Variants in PTK2B observed in about 807,000 individuals in gnomAD.
PTK2B encodes protein-tyrosine kinase 2-beta.
In PTK2B, 71 loss-of-function variants were observed where a neutral mutation model predicts 142.9. The observed-to-expected ratio is 0.50, with a 90% CI of 0.41 to 0.61. PTK2B has a LOEUF of 0.61. Among genes scored for constraint, PTK2B ranks in the 20% least tolerant of loss-of-function variants. The pLI, the probability that PTK2B is intolerant of heterozygous loss-of-function variation, is 0.00. For synonymous variants in PTK2B, 519 were observed against 503.4 expected, an observed-to-expected ratio of 1.03 and a Z score of -0.42; for missense variants, 1,105 against 1,320.4, an observed-to-expected ratio of 0.84 and a Z score of 2.53.
intron 11 of PTK2B, 130 bp downstream of exon 11, chr8:27,433,682 G>A: frequency 1.2e-6 from 1 of 833,728 alleles, no homozygotes; most frequent in Non-Finnish European, 1.9e-6. Context: ...CAGCCCAGCG[G>A]GAAGCTTCCA....
At chr8:27,351,495 T>G (rs1177478221) in intron 1 of PTK2B, among the ~76,000 whole-genome samples, 1 of 152,086 alleles carries the variant, frequency 6.6e-6, no homozygotes, top group Non-Finnish European at 1.5e-5. Flanking sequence ...GACAAAGAAT[T>G]TGTCTAGACC....
In PTK2B at chr8:27,440,375, T is replaced by C. The variant is rs138935546; in HGVS notation, c.1973T>C (p.Met658Thr). 1 of 1,614,194 alleles carries C rather than the reference T, an allele frequency of 6.2e-7. No individual in the cohort carries two copies. ...TGTCCACCGGTCCTTTATACCCTCA[T>C]GACCCGCTGCTGGGACTACGACCCC... The part of the protein sequence containing the change: ...DLCPPVLYTL[M>T]TRCWDYDPSD... Residue 658 changes from methionine to threonine, a missense_variant, in exon 21 of 31, where the codon ATG (methionine) becomes ACG (threonine). By Grantham distance (81) the Met-to-Thr change is moderately conservative (BLOSUM62 -1). Coordinates refer to ENST00000346049, the MANE Select transcript of PTK2B (RefSeq NM_173176.3).
intron 3 of PTK2B, 121 bp downstream of exon 3, chr8:27,420,194 C>T (rs770707639): frequency 1.4e-5 from 16 of 1,180,816 alleles, no homozygotes; most frequent in Non-Finnish European, 1.8e-5. Flanking sequence ...ACCTGAGTGG[C>T]ATTCTAGGCT....
chr8:27,458,159 C>A, intron 30 of PTK2B, 135 bp from the exon 31 acceptor site: 1 of 838,638 alleles, frequency 1.2e-6, no homozygotes, highest in Non-Finnish European at 1.9e-6. Context: ...ATTCAGCCCT[C>A]TCCTAGGTCT....
At chr8:27,423,797 C>T (rs1458701870) in intron 5 of PTK2B, among the ~76,000 whole-genome samples, 1 of 152,138 alleles carries the variant, frequency 6.6e-6, no homozygotes, top group Non-Finnish European at 1.5e-5. Flanking sequence ...TTGATTTCAG[C>T]ATCTGAGGCT....
At position 27,431,415 on chromosome 8, in the gene PTK2B, T is replaced by C. The variant is rs1484291543; in HGVS notation, c.828T>C (p.Thr276=). 1.2e-6 allele frequency: 2 copies of C among 1,614,218 alleles called. No individual in the cohort carries two copies. The highest frequency in any genetic ancestry group is 8.5e-7 in the Non-Finnish European group (1 of 1,180,026). ...TATTCCAGCAAGGATGGAACATTAC[T>C]GTGGACCTGGTCATTGGCCCTAAAG... ...RCELIQGWNI[T]VDLVIGPKGI... Residue 276 remains threonine, a synonymous_variant, in exon 9 of 31, where the codon ACT becomes ACC. Transcript: ENST00000346049.
At chr8:27,419,825 G>A in intron 2 of PTK2B, 70 bp from the exon 3 acceptor site, 1 of 1,531,758 alleles carries the variant, frequency 6.5e-7, no homozygotes, top group Non-Finnish European at 8.9e-7. Flanking sequence ...CACTTTTCAG[G>A]TCTGTGTGAG....
At chr8:27,375,717 G>A (rs1245428306) in intron 1 of PTK2B, among the ~76,000 whole-genome samples, 4 of 152,112 alleles carry the variant, frequency 2.6e-5, no homozygotes, top group Admixed American at 6.5e-5. Flanking sequence ...GCCTCTCCCC[G>A]AGTGGGCACC....
At chr8:27,317,262 A>C (rs1803114191) in intron 3 of PTK2B, among the ~76,000 whole-genome samples, 1 of 152,246 alleles carries the variant, frequency 6.6e-6, no homozygotes, top group Non-Finnish European at 1.5e-5. Context: ...GGCAAGGGGA[A>C]TAAGACCATC....
intron 1 of PTK2B, among the ~76,000 whole-genome samples, chr8:27,335,879 C>T (rs1804031157): frequency 6.6e-6 from 1 of 152,168 alleles, no homozygotes; most frequent in Non-Finnish European, 1.5e-5. Context: ...AGATCTTAGG[C>T]AAGAGCCCAA....
At chr8:27,429,815 G>C (rs1810297111) in intron 5 of PTK2B, among the ~76,000 whole-genome samples, 1 of 152,202 alleles carries the variant, frequency 6.6e-6, no homozygotes, top group African/African-American at 2.4e-5. Flanking sequence ...AGAGGCCACA[G>C]ATGGAGCCAC....
In PTK2B at chr8:27,366,121, G is replaced by A. The variant is rs183721673; in HGVS notation, c.-37-31427G>A. 2.9e-3 allele frequency among the ~76,000 whole-genome samples: 447 copies of A among 152,286 alleles called. 4 individuals carry two copies. The highest frequency in any genetic ancestry group is 9.8e-3 in the African/African-American group (409 of 41,548). ...CCCACCTGTGCTACTTCCTGTGATT[G>A]ACAGGAAGTTCTGAAACCCAAAGAA... On this transcript the variant is annotated intron_variant, in intron 1 of 30. Transcript: ENST00000346049.
chr8:27,455,066 A>G (rs535723068), intron 30 of PTK2B, among the ~76,000 whole-genome samples: 1 of 152,314 alleles, frequency 6.6e-6, no homozygotes, highest in South Asian at 2.1e-4. Flanking sequence ...TGGTTCCTGT[A>G]GTAGGGAGAG....
rs761350472 is a variant in PTK2B, at chr8:27,442,895, A to G, written c.2060A>G (p.Lys687Arg). ...TGCAGTGACGTTTATCAGATGGAGAAGGACATTGCCATGGAGCAAGAGAGG... is the reference window on the plus strand; with the variant it reads ...TGCAGTGACGTTTATCAGATGGAGAGGGACATTGCCATGGAGCAAGAGAGG... ...CSLSDVYQME[K>R]DIAMEQERNA... Residue 687 changes from lysine to arginine, a missense_variant, in exon 22 of 31, where the codon AAG becomes AGG. Physicochemically the swap from Lys to Arg is conservative, Grantham distance 26. Coordinates refer to ENST00000346049, the MANE Select transcript of PTK2B (RefSeq NM_173176.3). 2.5e-6 allele frequency: 4 copies of G among 1,614,148 alleles called. No homozygotes were observed. The East Asian group carries it at 6.7e-5, about 27-fold the overall frequency.
At chr8:27,343,876 G>A (rs7016492) in intron 1 of PTK2B, among the ~76,000 whole-genome samples, 119,185 of 151,734 alleles carry the variant, frequency 0.79, 47,459 homozygotes, top group Middle Eastern at 0.87. Flanking sequence ...GGTGGTGGGC[G>A]CCTGTAGTCC....
intron 2 of PTK2B, among the ~76,000 whole-genome samples, chr8:27,402,664 TC>T (rs1409821127): frequency 6.6e-6 from 1 of 152,198 alleles, no homozygotes; most frequent in African/African-American, 2.4e-5. Context: ...TCGTAGGGCT[TC>T]CTGGCCAAGA....
At chr8:27,366,866 G>A (rs972558716) in intron 1 of PTK2B, among the ~76,000 whole-genome samples, 1 of 151,990 alleles carries the variant, frequency 6.6e-6, no homozygotes, top group Non-Finnish European at 1.5e-5. Flanking sequence ...AGAGGAGAGG[G>A]TGTGGGGGAG....
At chr8:27,408,357 C>A (rs1233118384) in intron 2 of PTK2B, among the ~76,000 whole-genome samples, 1 of 152,246 alleles carries the variant, frequency 6.6e-6, no homozygotes, top group African/African-American at 2.4e-5. Flanking sequence ...AGGAACACTG[C>A]TCAGAGAGGC....
intron 1 of PTK2B, among the ~76,000 whole-genome samples, chr8:27,386,165 T>C (rs558403397): frequency 1.3e-5 from 2 of 152,318 alleles, no homozygotes; most frequent in East Asian, 3.9e-4. Context: ...ACTACTCATA[T>C]TTTTATCATA....
Sources: gnomAD v4.1 joint callset for allele counts (sites outside exome capture counted in the v4.1 genomes callset) on GRCh38, gnomAD v4.1.1 for gene constraint, MANE v1.5 for transcripts, NCBI Gene and HGNC (gene_info 2026-07-23, HGNC 2026-07-21) for gene names.